The following FAM171A1 variants were observed in gnomAD, a reference collection of about 807,000 sequenced individuals.
The protein encoded by FAM171A1 is protein FAM171A1.
Under a neutral mutation model 74.9 loss-of-function variants are expected in FAM171A1, and 23 were observed. That is an observed-to-expected ratio of 0.31 (90% CI 0.22 to 0.44). FAM171A1 has a LOEUF of 0.44. FAM171A1 is among the 20% of genes least tolerant of loss of function. The pLI is 1.00. For missense variants in FAM171A1, 1,162 were observed against 1,159.2 expected (o/e 1.00, Z -0.03); for synonymous variants, 527 against 505.7 (o/e 1.04, Z -0.57).
chr10:15,370,911 G>T (rs1787203522), intron 1 of FAM171A1, 45 bp downstream of exon 1: 2 of 951,626 alleles, frequency 2.1e-6, no homozygotes, highest in South Asian at 6.5e-5. Flanking sequence ...TCCGCGCCAG[G>T]CCCGGCGCGA....
chr10:15,301,344 CTATA>C (rs370421783), intron 1 of FAM171A1, among the ~76,000 whole-genome samples: 31 of 139,410 alleles, frequency 2.2e-4, no homozygotes, highest in Middle Eastern at 7.3e-3. Context: ...ACACGCCCAG[CTATA>C]TATATATATA....
intron 3 of FAM171A1, among the ~76,000 whole-genome samples, chr10:15,258,845 G>A (rs533429185): frequency 6.6e-6 from 1 of 152,284 alleles, no homozygotes; most frequent in East Asian, 1.9e-4. Flanking sequence ...ACCTCTGGAT[G>A]AAACAGCTCC....
intron 3 of FAM171A1, among the ~76,000 whole-genome samples, chr10:15,266,946 G>C (rs1834751626): frequency 6.6e-6 from 1 of 152,014 alleles, no homozygotes; most frequent in Non-Finnish European, 1.5e-5. Flanking sequence ...TGGCAGAATG[G>C]ATTTTACTCT....
At chr10:15,295,303 C>A (rs541668510) in intron 1 of FAM171A1, among the ~76,000 whole-genome samples, 2 of 152,086 alleles carry the variant, frequency 1.3e-5, no homozygotes, top group African/African-American at 4.8e-5. Context: ...TTTCTATAAA[C>A]GATAGGATGC....
At chr10:15,326,210 C>T (rs1835553050) in intron 1 of FAM171A1, among the ~76,000 whole-genome samples, 1 of 152,152 alleles carries the variant, frequency 6.6e-6, no homozygotes, top group African/African-American at 2.4e-5. Flanking sequence ...TTCACTCAGT[C>T]ATTTCACTCA....
At chr10:15,259,049 T>G (rs567940521) in intron 3 of FAM171A1, among the ~76,000 whole-genome samples, 55 of 152,288 alleles carry the variant, frequency 3.6e-4, no homozygotes, top group African/African-American at 1.3e-3. Flanking sequence ...AAAATCATCA[T>G]CTACCTTCTC....
At chr10:15,371,504 A>G (rs1433307182), upstream of FAM171A1, among the ~76,000 whole-genome samples, 5 of 151,306 alleles carry the variant, frequency 3.3e-5, no homozygotes, top group East Asian at 9.8e-4. Flanking sequence ...AGCCCTTTTC[A>G]TCACACCAGG....
chr10:15,231,805 C>CA (rs1834210267), intron 5 of FAM171A1, among the ~76,000 whole-genome samples: 1 of 152,164 alleles, frequency 6.6e-6, no homozygotes, highest in Admixed American at 6.5e-5. Context: ...CTACAGATGG[C>CA]TGGGTGTGGT....
chr10:15,220,469 A>G (rs771440516), intron 6 of FAM171A1, among the ~76,000 whole-genome samples: 29 of 152,236 alleles, frequency 1.9e-4, no homozygotes, highest in Non-Finnish European at 2.8e-4. Context: ...CATATCCTAA[A>G]TGGAGGGGAA....
intron 1 of FAM171A1, among the ~76,000 whole-genome samples, chr10:15,314,517 C>T (rs757923266): frequency 1.3e-5 from 2 of 152,150 alleles, no homozygotes; most frequent in South Asian, 2.1e-4. Flanking sequence ...CTGTCCAATA[C>T]CCCTGGCTTG....
At chr10:15,263,848 C>CATCTATCTATCTATCT (rs56341083) in intron 3 of FAM171A1, among the ~76,000 whole-genome samples, 3 of 143,754 alleles carry the variant, frequency 2.1e-5, no homozygotes, top group African/African-American at 5.2e-5. Flanking sequence ...ACATTTATCT[C>CATCTATCTATCTATCT]ATCTATCTAT....
chr10:15,313,390 A>C (rs983897544), intron 1 of FAM171A1, among the ~76,000 whole-genome samples: 3 of 152,154 alleles, frequency 2.0e-5, no homozygotes, highest in Admixed American at 6.5e-5. Flanking sequence ...CCTTGAGCTA[A>C]AATTTTCCCT....
intron 1 of FAM171A1, among the ~76,000 whole-genome samples, chr10:15,293,453 T>C (rs1325480931): frequency 6.6e-6 from 1 of 152,010 alleles, no homozygotes; most frequent in Non-Finnish European, 1.5e-5. Context: ...AAAAAAGACA[T>C]GCCTCCTGTT....
chr10:15,295,512 A>AT (rs1160015458), intron 1 of FAM171A1, among the ~76,000 whole-genome samples: 1 of 152,152 alleles, frequency 6.6e-6, no homozygotes, highest in Non-Finnish European at 1.5e-5. Flanking sequence ...TGTGGGCTCC[A>AT]TTTTTTAAAT....
chr10:15,365,801 C>CAGAA (rs1836054008), intron 1 of FAM171A1, among the ~76,000 whole-genome samples: 1 of 150,100 alleles, frequency 6.7e-6, no homozygotes, highest in South Asian at 2.1e-4. Context: ...TGCAGACAGA[C>CAGAA]AGAAAGAAAG....
At chr10:15,309,158 T>C (rs942218325) in intron 1 of FAM171A1, among the ~76,000 whole-genome samples, 2 of 152,212 alleles carry the variant, frequency 1.3e-5, no homozygotes, top group Non-Finnish European at 2.9e-5. Flanking sequence ...GTACATAACA[T>C]AAACATGAAC....
In FAM171A1 at chr10:15,338,014, A is replaced by G. The variant is rs964792483; in HGVS notation, c.97+32942T>C. ...GCTCAATAATCACAGTGCCAAATAA[A>G]TAAATTCCTATTTAAAAAACAAAGA... On this transcript the variant is annotated intron_variant, in intron 1 of 7. Coordinates refer to ENST00000378116, the MANE Select transcript of FAM171A1 (RefSeq NM_001010924.2). Among the ~76,000 whole-genome samples, 11 of 152,190 alleles carry G rather than the reference A, an allele frequency of 7.2e-5. No homozygotes were observed. In the East Asian group the frequency reaches 1.9e-3, roughly 27 times the overall value.
Position 15,232,816 on chromosome 10 carries a change from C to G in FAM171A1, c.755-11756G>C, listed in dbSNP as rs184396897. Among the ~76,000 whole-genome samples the G allele has an allele frequency of 3.8e-3, 584 of 152,276 alleles. 5 individuals carry two copies. The highest frequency in any genetic ancestry group is 5.6e-3 in the Non-Finnish European group (380 of 68,016). On this transcript the variant is annotated intron_variant, in intron 5 of 7. Coordinates refer to ENST00000378116, the MANE Select transcript of FAM171A1 (RefSeq NM_001010924.2). The stretch of plus-strand genomic sequence containing the variant: ...GAAGAAATCACGTTTTGTGTCTCCC[C>G]CTTCCCTAGGATGTCCCATGAGTGT...
intron 1 of FAM171A1, among the ~76,000 whole-genome samples, chr10:15,360,405 T>C (rs1015643032): frequency 3.9e-5 from 6 of 152,238 alleles, no homozygotes; most frequent in African/African-American, 1.2e-4. Context: ...AATGAAAATA[T>C]CAGAAGTTCC....
Sources: gnomAD v4.1 joint callset for allele counts (sites outside exome capture counted in the v4.1 genomes callset) on GRCh38, gnomAD v4.1.1 for gene constraint, MANE v1.5 for transcripts, NCBI Gene and HGNC (gene_info 2026-07-23, HGNC 2026-07-21) for gene names.